The following PAK3 variants were observed in gnomAD, a reference collection of about 807,000 sequenced individuals.
PAK3 encodes the protein p21 (RAC1) activated kinase 3, also known as serine/threonine-protein kinase PAK 3.
Under a neutral mutation model 41.0 loss-of-function variants are expected in PAK3, and 4 were observed. The observed-to-expected ratio is 0.10, with a 90% CI of 0.05 to 0.22. PAK3 has a LOEUF of 0.22. Ranked by LOEUF, PAK3 falls within the 10% of genes least tolerant of loss-of-function variation. The pLI is 1.00. For synonymous variants in PAK3, 146 were observed against 139.6 expected (o/e 1.05, Z -0.32); for missense variants, 205 against 409.9 (o/e 0.50, Z 4.32).
At chrX:110,975,475 G>T (rs957352787) in intron 1 of PAK3, among the ~76,000 whole-genome samples, 3 of 111,911 alleles carry the variant, frequency 2.7e-5, no homozygotes, top group African/African-American at 9.7e-5. Flanking sequence ...CAAACAAATG[G>T]AAGAACATTC....
intron 10 of PAK3, among the ~76,000 whole-genome samples, chrX:111,170,362 T>TA (rs752379228): frequency 0.022 from 2,361 of 105,454 alleles, 76 homozygotes; most frequent in African/African-American, 0.072. Context: ...GAACTTTCAT[T>TA]AAAAAAAAAA....
chrX:110,995,437 G>A (rs934530196), intron 1 of PAK3, among the ~76,000 whole-genome samples: 5 of 110,540 alleles, frequency 4.5e-5, no homozygotes, highest in Admixed American at 9.6e-5. Flanking sequence ...AGTTTACCTG[G>A]GCAGAATGGA....
intron 1 of PAK3, among the ~76,000 whole-genome samples, chrX:111,023,215 A>G (rs1473289509): frequency 8.9e-6 from 1 of 111,839 alleles, no homozygotes; most frequent in Non-Finnish European, 1.9e-5. Flanking sequence ...TGCAAAGGAC[A>G]TGAACTCATC....
chrX:111,052,717 A>G (rs756470466), intron 1 of PAK3, among the ~76,000 whole-genome samples: 48 of 112,439 alleles, frequency 4.3e-4, no homozygotes, highest in Non-Finnish European at 8.1e-4. Flanking sequence ...AATACACTGT[A>G]ATAGGTCTTT....
intron 1 of PAK3, among the ~76,000 whole-genome samples, chrX:110,986,160 C>T (rs1411313309): frequency 8.9e-6 from 1 of 112,188 alleles, no homozygotes; most frequent in Non-Finnish European, 1.9e-5. Flanking sequence ...CCTAAGCCAG[C>T]CTCACCAAAC....
intron 1 of PAK3, among the ~76,000 whole-genome samples, chrX:111,028,619 A>G (rs2092304688): frequency 8.9e-6 from 1 of 112,154 alleles, no homozygotes; most frequent in Non-Finnish European, 1.9e-5. Context: ...TATGGAAGTC[A>G]GCTAGATACA....
In PAK3 at chrX:111,142,546, G is replaced by A. The variant is rs769247182; in HGVS notation, c.276+350G>A. 2.7e-5 allele frequency among the ~76,000 whole-genome samples: 3 copies of A among 111,887 alleles called. No homozygotes were observed. In the East Asian group the frequency reaches 8.4e-4, roughly 31 times the overall value. Reference sequence around the variant, plus strand: ...GAGAATCATCTACTCACCTTGGCCAGTGAAAATAATTCATCTGAATAATTC... The same window carrying A: ...GAGAATCATCTACTCACCTTGGCCAATGAAAATAATTCATCTGAATAATTC... On this transcript the variant is annotated intron_variant, in intron 6 of 17. Coordinates refer to ENST00000372007, the MANE Select transcript of PAK3 (RefSeq NM_002578.5).
chrX:111,059,143 A>T (rs1296537402), intron 1 of PAK3, among the ~76,000 whole-genome samples: 11 of 73,751 alleles, frequency 1.5e-4, no homozygotes, highest in Non-Finnish European at 2.4e-4. Context: ...TTTTTTTGAA[A>T]AAAAAGGCCA....
intron 11 of PAK3, among the ~76,000 whole-genome samples, chrX:111,182,448 A>G (rs2094471431): frequency 9.0e-6 from 1 of 111,691 alleles, no homozygotes; most frequent in African/African-American, 3.3e-5. Context: ...TAAAGACTAT[A>G]CCATCTGGCC....
chrX:111,025,718 A>C (rs1040791219), intron 1 of PAK3, among the ~76,000 whole-genome samples: 4 of 111,083 alleles, frequency 3.6e-5, no homozygotes, highest in Non-Finnish European at 5.7e-5. Context: ...AGACATTCAA[A>C]GAAGAATTGG....
chrX:110,996,691 A>C (rs762251752), intron 1 of PAK3, among the ~76,000 whole-genome samples: 2 of 111,661 alleles, frequency 1.8e-5, no homozygotes, highest in South Asian at 7.7e-4. Flanking sequence ...ACATGCACAA[A>C]GAAGTCATAT....
intron 1 of PAK3, among the ~76,000 whole-genome samples, chrX:111,019,727 G>T (rs769612175): frequency 3.5e-4 from 37 of 105,565 alleles, no homozygotes; most frequent in African/African-American, 1.1e-3. Flanking sequence ...GAAAAAGGGG[G>T]GGGGGCAAAT....
chrX:110,953,919 A>G (rs1225252561), intron 1 of PAK3, among the ~76,000 whole-genome samples: 1 of 112,220 alleles, frequency 8.9e-6, no homozygotes, highest in Non-Finnish European at 1.9e-5. Context: ...AGTGATTTCC[A>G]TAACTCCTAG....
At chrX:111,151,936 G>A (rs1279726012) in intron 7 of PAK3, among the ~76,000 whole-genome samples, 1 of 111,972 alleles carries the variant, frequency 8.9e-6, no homozygotes, top group Non-Finnish European at 1.9e-5. Context: ...TCACATTTCA[G>A]GTGGAATGGA....
intron 1 of PAK3, among the ~76,000 whole-genome samples, chrX:111,083,855 C>T (rs1039708729): frequency 1.8e-5 from 2 of 112,265 alleles, no homozygotes; most frequent in Admixed American, 1.9e-4. Flanking sequence ...TTTCTTTCTA[C>T]AGCATGACTT....
chrX:111,158,300 G>A (rs1032816663), intron 8 of PAK3, among the ~76,000 whole-genome samples: 1 of 111,692 alleles, frequency 9.0e-6, no homozygotes, highest in Non-Finnish European at 1.9e-5. Flanking sequence ...GTTGGTTCAC[G>A]GTATCTTCTA....
At chrX:111,199,642 A>T in intron 16 of PAK3, among the ~76,000 whole-genome samples, 1 of 111,954 alleles carries the variant, frequency 8.9e-6, no homozygotes. Flanking sequence ...GTGGGTATTG[A>T]GTGGAACACA....
chrX:110,957,534 C>A (rs918057248), intron 1 of PAK3, among the ~76,000 whole-genome samples: 2 of 112,027 alleles, frequency 1.8e-5, no homozygotes, highest in East Asian at 2.8e-4. Flanking sequence ...TGTACTTTTA[C>A]AAGTCCTTCC....
chrX:111,021,942 CAA>C (rs2092189965), intron 1 of PAK3, among the ~76,000 whole-genome samples: 1 of 110,310 alleles, frequency 9.1e-6, no homozygotes, highest in Non-Finnish European at 1.9e-5. Flanking sequence ...ATCTCGAAGA[CAA>C]AGCTTTCAAA....
Sources: gnomAD v4.1 joint callset for allele counts (sites outside exome capture counted in the v4.1 genomes callset) on GRCh38, gnomAD v4.1.1 for gene constraint, MANE v1.5 for transcripts, NCBI Gene and HGNC (gene_info 2026-07-23, HGNC 2026-07-21) for gene names.